ADGRL3: variants seen among roughly 807,000 people sequenced by gnomAD.
ADGRL3 encodes adhesion G protein-coupled receptor L3, also known as calcium-independent alpha-latrotoxin receptor 3.
ADGRL3 carries 62 observed loss-of-function variants against 153.5 expected under a neutral mutation model. The ratio of observed to expected loss-of-function variants is 0.40; its 90% CI spans 0.33 to 0.50. The LOEUF (loss-of-function observed/expected upper bound fraction) is 0.50. ADGRL3 is among the 20% of genes least tolerant of loss of function. The probability of loss-of-function intolerance (pLI) is 0.47; values close to 1 mark genes in which losing one functional copy is unlikely to be tolerated. For missense variants in ADGRL3, 1,641 were observed against 1,859.4 expected (o/e 0.88, Z 2.16); for synonymous variants, 710 against 672.5 (o/e 1.06, Z -0.86).
chr4:61,551,132 A>C (rs2098738504), intron 4 of ADGRL3, among the ~76,000 whole-genome samples: 1 of 152,138 alleles, frequency 6.6e-6, no homozygotes, highest in Non-Finnish European at 1.5e-5. Context: ...GTGACTGTGA[A>C]TATTCCTTTT....
At chr4:61,397,577 C>T (rs2096882848) in intron 2 of ADGRL3, among the ~76,000 whole-genome samples, 1 of 151,848 alleles carries the variant, frequency 6.6e-6, no homozygotes, top group Non-Finnish European at 1.5e-5. Context: ...TATTTCCTCA[C>T]TTACTTTTCC....
intron 5 of ADGRL3, among the ~76,000 whole-genome samples, chr4:61,613,855 T>C (rs2091684176): frequency 6.6e-6 from 1 of 152,094 alleles, no homozygotes; most frequent in Non-Finnish European, 1.5e-5. Context: ...CCTATAAAAA[T>C]GAACAATGGA....
chr4:61,383,489 T>C (rs1041757792), intron 2 of ADGRL3, among the ~76,000 whole-genome samples: 6 of 151,766 alleles, frequency 4.0e-5, no homozygotes, highest in African/African-American at 1.4e-4. Context: ...ATAAGAGTTT[T>C]AGTAGGTCTT....
intron 2 of ADGRL3, among the ~76,000 whole-genome samples, chr4:61,403,617 G>A (rs1053182608): frequency 6.6e-6 from 1 of 151,986 alleles, no homozygotes; most frequent in Non-Finnish European, 1.5e-5. Context: ...ATCAACTGTG[G>A]AACAATTTTA....
intron 6 of ADGRL3, among the ~76,000 whole-genome samples, chr4:61,700,525 G>A (rs1027286796): frequency 1.9e-4 from 29 of 152,156 alleles, no homozygotes; most frequent in African/African-American, 6.5e-4. Flanking sequence ...GCAGATGAAT[G>A]CCGTACTATG....
At position 62,066,346 on chromosome 4, in the gene ADGRL3, A is replaced by G. The variant is rs1214676541; in HGVS notation, c.3815-1820A>G. ...TCAGTTGCACCAATGCTATCCAAGC[A>G]TAGAAGCATTCTTTTTTAAAGTACC... On this transcript the variant is annotated intron_variant, in intron 25 of 26. Transcript: ENST00000683033. Among the ~76,000 whole-genome samples, 2 of 152,116 alleles carry G rather than the reference A, an allele frequency of 1.3e-5. 1 individual carries two copies. Among genetic ancestry groups the G allele is most frequent in the East Asian group, 3.9e-4 (2 of 5,184 alleles).
intron 13 of ADGRL3, among the ~76,000 whole-genome samples, chr4:61,915,925 T>C (rs2098743188): frequency 6.6e-6 from 1 of 152,134 alleles, no homozygotes; most frequent in Non-Finnish European, 1.5e-5. Context: ...TTTTTTAATA[T>C]AGCCTTTTCA....
At position 62,077,418 on chromosome 4, in the gene ADGRL3, A is replaced by G. The variant is rs1747505650; in HGVS notation, c.*6510A>G. The G allele has an allele frequency of 6.6e-6, 1 of 152,034 alleles. No individual in the cohort carries two copies. Among genetic ancestry groups the G allele is most frequent in the African/African-American group, 2.4e-5 (1 of 41,450 alleles). The allele number at this position is 152,034 out of a possible 1,614,324, so 9.4% of individuals were successfully genotyped here. Reference sequence around the variant, plus strand: ...GCAAGGAAATATGTTTAAAGCCGAGAACTAAAATAGCTTTTTAAAATTTAA... The same window carrying G: ...GCAAGGAAATATGTTTAAAGCCGAGGACTAAAATAGCTTTTTAAAATTTAA... On this transcript the variant is annotated 3_prime_UTR_variant, in exon 27 of 27. Transcript: ENST00000683033.
chr4:61,928,419 G>A (rs1219730773), intron 13 of ADGRL3, among the ~76,000 whole-genome samples: 1 of 152,074 alleles, frequency 6.6e-6, no homozygotes, highest in Non-Finnish European at 1.5e-5. Flanking sequence ...CTCAGCAAGA[G>A]TCTATTACTT....
chr4:62,060,878 T>C (rs1483455249), intron 25 of ADGRL3, among the ~76,000 whole-genome samples: 1 of 151,940 alleles, frequency 6.6e-6, no homozygotes, highest in Non-Finnish European at 1.5e-5. Flanking sequence ...TAGATGTATA[T>C]GTTTTATATC....
intron 9 of ADGRL3, among the ~76,000 whole-genome samples, chr4:61,846,953 T>C (rs1330070909): frequency 6.7e-6 from 1 of 149,646 alleles, no homozygotes; most frequent in Non-Finnish European, 1.5e-5. Context: ...ATATTATGTG[T>C]GTGTGTGTGT....
chr4:61,439,017 T>C (rs6813503), intron 2 of ADGRL3, among the ~76,000 whole-genome samples: 27,873 of 151,954 alleles, frequency 0.18, 2,669 homozygotes, highest in Non-Finnish European at 0.21. Flanking sequence ...AATATGTTAC[T>C]TGTACTCACT....
At chr4:61,294,676 G>A (rs1003200146) in intron 1 of ADGRL3, among the ~76,000 whole-genome samples, 43 of 152,024 alleles carry the variant, frequency 2.8e-4, no homozygotes, top group African/African-American at 9.9e-4. Flanking sequence ...GTTGAAATAT[G>A]GTTCATAAAA....
rs531280571 is a variant in ADGRL3, at chr4:61,956,266, A to C, written c.2805+7990A>C. Reference sequence around the variant, plus strand: ...TGAGATGGTATCTCATTGTGGTTTTAATTTGTATTTCTCTAATGATCAGTG... The same window carrying C: ...TGAGATGGTATCTCATTGTGGTTTTCATTTGTATTTCTCTAATGATCAGTG... On this transcript the variant is annotated intron_variant, in intron 17 of 26. Transcript: ENST00000683033. 6.6e-5 allele frequency among the ~76,000 whole-genome samples: 10 copies of C among 152,026 alleles called. No individual in the cohort carries two copies. In the South Asian group the frequency reaches 2.1e-3, roughly 32 times the overall value.
chr4:61,449,098 GTCCTTTTATTTTT>G (rs1488400530), intron 2 of ADGRL3, among the ~76,000 whole-genome samples: 3 of 151,862 alleles, frequency 2.0e-5, no homozygotes, highest in African/African-American at 4.8e-5. Flanking sequence ...TTCAAGGACT[GTCCTTTTATTTTT>G]TCCTTTTATT....
At chr4:61,358,466 G>A (rs1296399133) in intron 1 of ADGRL3, among the ~76,000 whole-genome samples, 3 of 151,818 alleles carry the variant, frequency 2.0e-5, no homozygotes, top group Admixed American at 6.6e-5. Context: ...GCGTGGTGGC[G>A]GGCGCCTGTA....
intron 6 of ADGRL3, among the ~76,000 whole-genome samples, chr4:61,725,489 G>C (rs1171496333): frequency 6.6e-6 from 1 of 151,860 alleles, no homozygotes; most frequent in Admixed American, 6.6e-5. Flanking sequence ...CAGCTACTGG[G>C]GAGGCTGAGG....
chr4:61,983,501 A>G lies in ADGRL3; in HGVS notation c.3134A>G (p.His1045Arg), dbSNP rs1472078705. 1 of 1,613,974 alleles carries G rather than the reference A, an allele frequency of 6.2e-7. No individual in the cohort carries two copies. The highest frequency in any genetic ancestry group is 8.5e-7 in the Non-Finnish European group (1 of 1,179,876). The change falls in exon 19 of 27, where the codon CAT (histidine) becomes CGT (arginine). Residue 1045 changes from histidine to arginine, a missense_variant. Transcript: ENST00000683033. ...CTGGTGGAGGTTTTTGAGAGTGAAC[A>G]TTCACGTAGGAAATACTTTTATCTG... is the stretch of plus-strand genomic sequence containing the variant. ...IMLVEVFESE[H>R]SRRKYFYLVG... is the part of the protein sequence containing the mutation.
chr4:61,812,889 G>C (rs1318574885), intron 8 of ADGRL3, among the ~76,000 whole-genome samples: 1 of 151,892 alleles, frequency 6.6e-6, no homozygotes, highest in Admixed American at 6.6e-5. Flanking sequence ...TTTAAATTGT[G>C]GTTAGTTGTT....
Sources: allele counts gnomAD v4.1 joint callset (sites outside exome capture counted in the v4.1 genomes callset), GRCh38; gene constraint gnomAD v4.1.1; transcripts MANE v1.5; gene names NCBI Gene and HGNC (gene_info 2026-07-23, HGNC 2026-07-21).